The following SRRM3 variants were observed in gnomAD, a reference collection of about 807,000 sequenced individuals.
SRRM3 encodes the protein serine/arginine repetitive matrix 3.
SRRM3 carries 27 observed loss-of-function variants against 66.2 expected under a neutral mutation model. That is an observed-to-expected ratio of 0.41 (90% CI 0.30 to 0.56). The LOEUF (loss-of-function observed/expected upper bound fraction) is 0.56, where lower values mean the gene tolerates loss of function less well. Ranked by LOEUF, SRRM3 falls within the 20% of genes least tolerant of loss-of-function variation. SRRM3 has a pLI of 0.32. For synonymous variants in SRRM3, 391 were observed against 414.9 expected, an observed-to-expected ratio of 0.94 and a Z score of 0.70; for missense variants, 918 against 991.9, an observed-to-expected ratio of 0.93 and a Z score of 1.00.
At chr7:76,219,802 T>C (rs1324737006) in intron 1 of SRRM3, among the ~76,000 whole-genome samples, 3 of 151,972 alleles carry the variant, frequency 2.0e-5, no homozygotes, top group Non-Finnish European at 4.4e-5. Context: ...CCCAGCTACT[T>C]GGGTGGCTAA....
At chr7:76,240,164 C>A (rs782494635) in intron 2 of SRRM3, among the ~76,000 whole-genome samples, 1 of 150,256 alleles carries the variant, frequency 6.7e-6, no homozygotes, top group Non-Finnish European at 1.5e-5. Flanking sequence ...GAAACTCTGT[C>A]TCAAATAATA....
At chr7:76,227,425 C>A (rs1166400190) in intron 1 of SRRM3, among the ~76,000 whole-genome samples, 1 of 152,214 alleles carries the variant, frequency 6.6e-6, no homozygotes, top group Non-Finnish European at 1.5e-5. Flanking sequence ...GTCACCCAGG[C>A]CAGAGACCCG....
At position 76,259,764 on chromosome 7, in the gene SRRM3, G is replaced by A; in HGVS notation, c.336-142G>A. The A allele has an allele frequency of 3.1e-6, 4 of 1,285,036 alleles. No homozygotes were observed. The East Asian group carries it at 9.9e-5, about 32-fold the overall frequency. 79.6% of individuals were successfully genotyped at this position (1,285,036 alleles called of 1,614,324 possible). A position where few individuals can be genotyped will look rare whatever the true frequency, so the allele number is the denominator to read the frequency against. ...ATCTCTGCCTAGCCCTGTAAGGCCA[G>A]GGGCCGCAGTTACCCCTCGCCCCTC... On this transcript the variant is annotated intron_variant, in intron 3 of 14. Coordinates refer to ENST00000611745, the MANE Select transcript of SRRM3 (RefSeq NM_001110199.3).
intron 11 of SRRM3, among the ~76,000 whole-genome samples, chr7:76,270,759 A>G (rs1211441289): frequency 6.6e-6 from 1 of 151,720 alleles, no homozygotes; most frequent in Non-Finnish European, 1.5e-5. Context: ...GGTTGCAGTG[A>G]GCGGAGATCA....
chr7:76,205,081 A>T (rs1055453875), intron 1 of SRRM3, among the ~76,000 whole-genome samples: 14 of 152,136 alleles, frequency 9.2e-5, no homozygotes, highest in South Asian at 8.3e-4. Context: ...CACTGAGCCA[A>T]GGTGTTGGAA....
At chr7:76,208,532 A>G (rs1373235074) in intron 1 of SRRM3, among the ~76,000 whole-genome samples, 2 of 151,438 alleles carry the variant, frequency 1.3e-5, no homozygotes, top group Admixed American at 6.6e-5. Flanking sequence ...AGAAGAAGAA[A>G]GAAAGAAAAA....
intron 1 of SRRM3, among the ~76,000 whole-genome samples, chr7:76,225,472 G>GCCCCCCCCCCCC (rs1183777591): frequency 1.1e-5 from 1 of 92,408 alleles, no homozygotes. Flanking sequence ...CCCCCTCCCC[G>GCCCCCCCCCCCC]CCCCCCCCGC....
At chr7:76,234,192 G>GGA (rs1462860679) in intron 1 of SRRM3, among the ~76,000 whole-genome samples, 10 of 132,280 alleles carry the variant, frequency 7.6e-5, no homozygotes, top group Non-Finnish European at 1.3e-4. Flanking sequence ...AGAAGTCCTT[G>GGA]GAGTGTGTGT....
chr7:76,235,241 C>G lies in SRRM3; in HGVS notation c.175C>G (p.Arg59Gly). ...RAHREILDHE[R>G]KRRVELKCME... ...GCACCGCGAGATCCTGGACCACGAG[C>G]GCAAGCGGCGGGTGGAGCTCAAGTG... Residue 59 changes from arginine to glycine, a missense_variant, in exon 2 of 15, where the codon CGC (arginine) becomes GGC (glycine). Physicochemically the swap from Arg to Gly is moderately radical, Grantham distance 125. Coordinates refer to ENST00000611745, the MANE Select transcript of SRRM3 (RefSeq NM_001110199.3). 1 of 1,554,388 alleles carries G rather than the reference C, an allele frequency of 6.4e-7. No homozygotes were observed. Among genetic ancestry groups the G allele is most frequent in the Non-Finnish European group, 8.6e-7 (1 of 1,158,816 alleles).
At chr7:76,263,300 G>T (rs1422065818) in intron 8 of SRRM3, among the ~76,000 whole-genome samples, 1 of 152,222 alleles carries the variant, frequency 6.6e-6, no homozygotes, top group African/African-American at 2.4e-5. Flanking sequence ...CTGCTCCTGT[G>T]GGAGCACATT....
rs1800434225 is a variant in SRRM3, at chr7:76,211,670, G to T, written c.-40+9603G>T. Among the ~76,000 whole-genome samples, 3 of 152,148 alleles carry T rather than the reference G, an allele frequency of 2.0e-5. 1 individual carries two copies. Among genetic ancestry groups the T allele is most frequent in the Admixed American group, 2.0e-4 (3 of 15,276 alleles). On this transcript the variant is annotated intron_variant, in intron 1 of 14. Transcript: ENST00000611745. The stretch of plus-strand genomic sequence containing the variant: ...CAGCCCAATCTGGACACCCAGAACC[G>T]CTGCAGCCATGGTCCCTAGGTGCAG...
In SRRM3 at chr7:76,281,519, A is replaced by T. The variant is rs1200434646; in HGVS notation, c.1087A>T (p.Ser363Cys). Residue 363 changes from serine (S) to cysteine (C), a missense_variant, in exon 12 of 15, where the codon AGC becomes TGC. Ser to Cys is a moderately radical substitution (Grantham distance 112). Transcript: ENST00000611745. Reference protein sequence around the residue: ...APTPPARGKESPSPRSAPSSQ... With the variant: ...APTPPARGKECPSPRSAPSSQ... ...CACGCCGCCCGCGCGGGGGAAGGAG[A>T]GCCCGAGCCCGCGCTCGGCGCCGTC... 1.1e-5 allele frequency: 13 copies of T among 1,194,732 alleles called. No individual in the cohort carries two copies. Among genetic ancestry groups the T allele is most frequent in the Non-Finnish European group, 1.4e-5 (13 of 962,572 alleles). The allele number at this position is 1,194,732 out of a possible 1,614,324, so 74.0% of individuals were successfully genotyped here.
intron 2 of SRRM3, among the ~76,000 whole-genome samples, chr7:76,244,149 G>A (rs1801379024): frequency 1.3e-5 from 2 of 152,154 alleles, no homozygotes; most frequent in Non-Finnish European, 2.9e-5. Context: ...CCAGGACCCA[G>A]CCCTCCCCAC....
At chr7:76,246,765 G>C (rs1368783631) in intron 2 of SRRM3, among the ~76,000 whole-genome samples, 2 of 152,080 alleles carry the variant, frequency 1.3e-5, no homozygotes, top group African/African-American at 4.8e-5. Context: ...CCACCTCTGA[G>C]CATCCCCTGC....
At chr7:76,260,245 C>CT in intron 5 of SRRM3, 48 bp downstream of exon 5, 4 of 1,426,416 alleles carry the variant, frequency 2.8e-6, no homozygotes, top group Non-Finnish European at 3.8e-6. Context: ...GAGGTGGGGT[C>CT]TCTCCCCGGA....
chr7:76,278,890 G>C (rs111445467), intron 11 of SRRM3, among the ~76,000 whole-genome samples: 7 of 152,182 alleles, frequency 4.6e-5, no homozygotes, highest in African/African-American at 1.7e-4. Context: ...CAAGGAAACT[G>C]TGCTCCTTCC....
chr7:76,225,746 T>C (rs536678776), intron 1 of SRRM3, among the ~76,000 whole-genome samples: 22 of 152,272 alleles, frequency 1.4e-4, no homozygotes, highest in African/African-American at 5.3e-4. Flanking sequence ...TAATCTCCAG[T>C]GCCTTTTACG....
At chr7:76,257,418 A>G (rs966565207) in intron 3 of SRRM3, among the ~76,000 whole-genome samples, 54 of 130,982 alleles carry the variant, frequency 4.1e-4, no homozygotes, top group Non-Finnish European at 6.9e-4. Flanking sequence ...AGGTCTCTGG[A>G]GGGTCACTTC....
At position 76,235,143 on chromosome 7, in the gene SRRM3, G is replaced by T. The variant is rs1801109755; in HGVS notation, c.77G>T (p.Ser26Ile). 6.4e-7 allele frequency: 1 copy of T among 1,565,142 alleles called. No individual in the cohort carries two copies. Among genetic ancestry groups the T allele is most frequent in the Non-Finnish European group, 8.6e-7 (1 of 1,162,988 alleles). The change falls in exon 2 of 15, where the codon AGC becomes ATC. Residue 26 changes from serine to isoleucine, a missense_variant. Coordinates refer to ENST00000611745, the MANE Select transcript of SRRM3 (RefSeq NM_001110199.3). ...GCCGCGAACGGCTTCCCGCAGCCCA[G>T]CTCCTCCTCGGGGACCTGGCCGCGG... is the stretch of plus-strand genomic sequence containing the variant. ...PDAANGFPQP[S>I]SSSGTWPRAE... is the part of the protein sequence containing the mutation.
Sources: allele counts gnomAD v4.1 joint callset (sites outside exome capture counted in the v4.1 genomes callset), GRCh38; gene constraint gnomAD v4.1.1; transcripts MANE v1.5; gene names NCBI Gene and HGNC (gene_info 2026-07-23, HGNC 2026-07-21).